The following AGMO variants were observed in gnomAD, a reference collection of about 807,000 sequenced individuals.
AGMO encodes alkylglycerol monooxygenase, also known as glyceryl-ether monooxygenase.
In AGMO, 75 loss-of-function variants were observed where a neutral mutation model predicts 60.2. That is an observed-to-expected ratio of 1.25 (90% CI 1.03 to 1.51). The LOEUF is 1.51. Ranked by LOEUF, AGMO falls within the 40% of genes most tolerant of loss-of-function variation. The probability of loss-of-function intolerance (pLI) is 0.00; values close to 1 mark genes in which losing one functional copy is unlikely to be tolerated. For missense variants in AGMO, 763 were observed against 525.5 expected, an observed-to-expected ratio of 1.45 and a Z score of -4.42; for synonymous variants, 261 against 177.1, an observed-to-expected ratio of 1.47 and a Z score of -3.76.
chr7:15,451,702 G>A (rs771878605), intron 3 of AGMO, among the ~76,000 whole-genome samples: 6 of 152,176 alleles, frequency 3.9e-5, no homozygotes, highest in Admixed American at 2.6e-4. Flanking sequence ...AACTTCGGCC[G>A]AATTAAATTT....
At chr7:15,274,677 G>A (rs1484476513) in intron 12 of AGMO, among the ~76,000 whole-genome samples, 2 of 149,416 alleles carry the variant, frequency 1.3e-5, no homozygotes, top group East Asian at 3.9e-4. Flanking sequence ...TTCAGTTGTG[G>A]ATCCATCTGG....
At chr7:15,143,015 G>A in the AGMO span, among the ~76,000 whole-genome samples, 1 of 152,156 alleles carries the variant, frequency 6.6e-6, no homozygotes, top group South Asian at 2.1e-4. Context: ...TGAGGAGCCA[G>A]GATATAAACC....
chr7:15,268,478 T>C (rs1332768908), intron 12 of AGMO, among the ~76,000 whole-genome samples: 1 of 152,062 alleles, frequency 6.6e-6, no homozygotes, highest in South Asian at 2.1e-4. Context: ...AATGTATGCA[T>C]GCATTCCATA....
At position 15,354,423 on chromosome 7, in the gene AGMO, CACACACGTGTGTGT is replaced by C. The variant is rs1782410169; in HGVS notation, c.1263+11077_1263+11090del. 3.3e-4 allele frequency among the ~76,000 whole-genome samples: 9 copies of C among 27,450 alleles called. 1 individual carries two copies. Among genetic ancestry groups the C allele is most frequent in the African/African-American group, 2.2e-3 (9 of 4,032 alleles). 18.0% of individuals were successfully genotyped at this position (27,450 alleles called of 152,430 possible). On this transcript the variant is annotated intron_variant, in intron 12 of 12. Coordinates refer to ENST00000342526, the MANE Select transcript of AGMO (RefSeq NM_001004320.2). ...GTGTGTGTACACACGTGTGTGTATACACACACGTGTGTGTATACACACGTGTGTGTATACACACG... is the reference window on the plus strand; with the variant it reads ...GTGTGTGTACACACGTGTGTGTATACATACACACGTGTGTGTATACACACG...
rs553261402 is a variant in AGMO at position 15,482,429 on chromosome 7, C to T, written c.410-51321G>A. On this transcript the variant is annotated intron_variant, in intron 3 of 12. Transcript: ENST00000342526. ...AGTAAATTGGACAAGTACCTACAAA[C>T]AAAAATATATCAAAAAGGAAATAAT... Among the ~76,000 whole-genome samples the T allele has an allele frequency of 1.3e-4, 20 of 152,018 alleles. 1 individual carries two copies. In the South Asian group the frequency reaches 4.2e-3, roughly 32 times the overall value.
the AGMO span, among the ~76,000 whole-genome samples, chr7:15,162,998 T>C: frequency 6.6e-6 from 1 of 152,198 alleles, no homozygotes; most frequent in East Asian, 1.9e-4. Context: ...GTGATTTCTT[T>C]CATCAGTGTT....
intron 4 of AGMO, among the ~76,000 whole-genome samples, chr7:15,421,571 A>G (rs1399068367): frequency 6.6e-6 from 1 of 152,172 alleles, no homozygotes; most frequent in Non-Finnish European, 1.5e-5. Context: ...GGCAGCTGTT[A>G]AACATAGGAG....
chr7:15,375,373 T>A (rs1017620177), intron 10 of AGMO, among the ~76,000 whole-genome samples: 2 of 149,802 alleles, frequency 1.3e-5, no homozygotes, highest in Admixed American at 6.9e-5. Flanking sequence ...GATCAGACTT[T>A]CTTTCTAAAA....
At chr7:15,337,579 AC>A (rs1276573674) in intron 12 of AGMO, among the ~76,000 whole-genome samples, 4 of 152,120 alleles carry the variant, frequency 2.6e-5, no homozygotes, top group African/African-American at 9.7e-5. Context: ...CCACTACAAC[AC>A]ATATGTAGAG....
intron 12 of AGMO, among the ~76,000 whole-genome samples, chr7:15,263,383 C>A (rs1033395457): frequency 1.4e-5 from 2 of 147,468 alleles, no homozygotes; most frequent in Non-Finnish European, 3.0e-5. Flanking sequence ...AATGCGATAA[C>A]ACCTCACTCC....
At chr7:15,215,458 C>T (rs1241057360) in intron 12 of AGMO, among the ~76,000 whole-genome samples, 1 of 151,892 alleles carries the variant, frequency 6.6e-6, no homozygotes, top group African/African-American at 2.4e-5. Flanking sequence ...GAATTCTCCC[C>T]CATGAGTTTG....
In AGMO at chr7:15,254,463, T is replaced by C. The variant is rs114749032; in HGVS notation, c.1264-53104A>G. On this transcript the variant is annotated intron_variant, in intron 12 of 12. Coordinates refer to ENST00000342526, the MANE Select transcript of AGMO (RefSeq NM_001004320.2). Reference sequence around the variant, plus strand: ...GTGAGGTGATATCTGATTGTGGTTTTGACTTGCATATCCTTGATGGTTAGT... The same window carrying C: ...GTGAGGTGATATCTGATTGTGGTTTCGACTTGCATATCCTTGATGGTTAGT... Among the ~76,000 whole-genome samples, 578 of 152,310 alleles carry C rather than the reference T, an allele frequency of 3.8e-3. 5 individuals carry two copies. The highest frequency in any genetic ancestry group is 0.013 in the African/African-American group (551 of 41,562).
At chr7:15,495,819 A>ACT (rs779052709) in intron 3 of AGMO, among the ~76,000 whole-genome samples, 9,160 of 139,552 alleles carry the variant, frequency 0.066, 453 homozygotes, top group African/African-American at 0.15. Context: ...GGGGATGGAG[A>ACT]CTCTCTCTCT....
intron 3 of AGMO, among the ~76,000 whole-genome samples, chr7:15,451,514 G>C (rs780402803): frequency 1.3e-5 from 2 of 152,016 alleles, no homozygotes; most frequent in African/African-American, 2.4e-5. Flanking sequence ...GGTCTAGGTG[G>C]GGGCTTGCTC....
chr7:15,125,053 G>A, the AGMO span, among the ~76,000 whole-genome samples: 3 of 150,294 alleles, frequency 2.0e-5, no homozygotes, highest in East Asian at 1.9e-4. Context: ...GGAATGGGAT[G>A]CCTTCAGAAA....
chr7:15,196,796 C>A (rs1422274155), downstream of AGMO, among the ~76,000 whole-genome samples: 4 of 152,036 alleles, frequency 2.6e-5, no homozygotes, highest in African/African-American at 9.7e-5. Context: ...AGAACATGCC[C>A]AAGAAATGAA....
At chr7:15,302,810 G>A (rs1034689021) in intron 12 of AGMO, among the ~76,000 whole-genome samples, 82 of 152,256 alleles carry the variant, frequency 5.4e-4, no homozygotes, top group Admixed American at 2.0e-3. Context: ...AAGTCATGGA[G>A]CAGTCAACTA....
At chr7:15,550,250 A>G (rs1784909840) in intron 2 of AGMO, among the ~76,000 whole-genome samples, 1 of 151,288 alleles carries the variant, frequency 6.6e-6, no homozygotes, top group South Asian at 2.1e-4. Flanking sequence ...CATCACAATT[A>G]AAAGAACTAG....
intron 12 of AGMO, among the ~76,000 whole-genome samples, chr7:15,250,556 AACACACAC>A (rs35821350): frequency 1.6e-4 from 24 of 149,470 alleles, no homozygotes; most frequent in African/African-American, 2.9e-4. Flanking sequence ...ACACACACTA[AACACACAC>A]ACACACACAC....
Sources: gnomAD v4.1 joint callset for allele counts (sites outside exome capture counted in the v4.1 genomes callset) on GRCh38, gnomAD v4.1.1 for gene constraint, MANE v1.5 for transcripts, NCBI Gene and HGNC (gene_info 2026-07-23, HGNC 2026-07-21) for gene names.